Variants in TRAPPC12 observed in about 807,000 individuals in gnomAD.
The protein encoded by TRAPPC12 is TPR repeat protein 15.
In TRAPPC12, 61 loss-of-function variants were observed where a neutral mutation model predicts 69.2. The observed-to-expected ratio is 0.88, with a 90% CI of 0.72 to 1.09. The LOEUF is 1.09. Ranked by LOEUF, TRAPPC12 falls within the 50% of genes least tolerant of loss-of-function variation. The pLI is 0.00. For synonymous variants in TRAPPC12, 469 were observed against 438.9 expected (o/e 1.07, Z -0.86); for missense variants, 1,101 against 1,016.4 (o/e 1.08, Z -1.13).
At position 3,388,424 on chromosome 2, in the gene TRAPPC12, G is replaced by A; in HGVS notation, c.801G>A (p.Gly267=). ...EGRPEPVAMR[G]PQAAAPPASP... The stretch of plus-strand genomic sequence containing the variant: ...GCCCCGAACCCGTGGCCATGCGAGG[G>A]CCCCAGGCAGCTGCGCCCCCGGCGT... Residue 267 remains glycine, a synonymous_variant, in exon 2 of 12, where the codon GGG becomes GGA. Transcript: ENST00000324266. 6.2e-7 allele frequency: 1 copy of A among 1,606,050 alleles called. No homozygotes were observed. Among genetic ancestry groups the A allele is most frequent in the Non-Finnish European group, 8.5e-7 (1 of 1,176,664 alleles).
At chr2:3,413,639 A>T (rs577624915) in intron 3 of TRAPPC12, among the ~76,000 whole-genome samples, 58 of 152,294 alleles carry the variant, frequency 3.8e-4, no homozygotes, top group Non-Finnish European at 7.2e-4. Context: ...ATGTTTTTTT[A>T]AAAAAAGACG....
At chr2:3,429,154 G>A (rs889464250) in intron 5 of TRAPPC12, among the ~76,000 whole-genome samples, 8 of 152,224 alleles carry the variant, frequency 5.3e-5, no homozygotes, top group Non-Finnish European at 1.2e-4. Flanking sequence ...CTGGCTGGGG[G>A]TTGTGAGCAG....
Position 3,388,218 on chromosome 2 carries a change from G to C in TRAPPC12, c.595G>C (p.Val199Leu), listed in dbSNP as rs780286671. 1 of 1,608,824 alleles carries C rather than the reference G, an allele frequency of 6.2e-7. No homozygotes were observed. Among genetic ancestry groups the C allele is most frequent in the Non-Finnish European group, 8.5e-7 (1 of 1,177,788 alleles). The change falls in exon 2 of 12, where the codon GTC becomes CTC. Residue 199 changes from valine (V) to leucine (L), a missense_variant. Val to Leu is a conservative substitution (Grantham distance 32, BLOSUM62 1). Coordinates refer to ENST00000324266, the MANE Select transcript of TRAPPC12 (RefSeq NM_016030.6). The stretch of plus-strand genomic sequence containing the variant: ...GGCCTCGGCCAGGACACCGCCCCAG[G>C]TCGTGCAGCCCAGCCCCAGCCTCAG... ...SEASARTPPQ[V>L]VQPSPSLSTF...
At chr2:3,441,819 T>A (rs1050620373) in intron 5 of TRAPPC12, among the ~76,000 whole-genome samples, 29 of 152,240 alleles carry the variant, frequency 1.9e-4, no homozygotes, top group African/African-American at 6.8e-4. Context: ...AATATATGCA[T>A]TTAATGCTAA....
intron 1 of TRAPPC12, among the ~76,000 whole-genome samples, chr2:3,382,587 A>G (rs984602744): frequency 8.5e-5 from 13 of 152,144 alleles, no homozygotes; most frequent in Admixed American, 5.9e-4. Flanking sequence ...CCACATATTT[A>G]TTGTCTCAAC....
At chr2:3,473,186 G>C (rs13429355) in intron 9 of TRAPPC12, among the ~76,000 whole-genome samples, 7 of 152,108 alleles carry the variant, frequency 4.6e-5, no homozygotes, top group Admixed American at 1.3e-4. Context: ...GAGCAGGTGA[G>C]GGGGGGTCAG....
chr2:3,458,586 ATGTGTGTG>A, intron 7 of TRAPPC12: 2 of 356,152 alleles, frequency 5.6e-6, no homozygotes, highest in South Asian at 1.1e-4. Context: ...TGGTGTGTGC[ATGTGTGTG>A]CACTTGTGCA....
At chr2:3,459,787 C>G (rs1039040771) in intron 7 of TRAPPC12, 2 of 253,320 alleles carry the variant, frequency 7.9e-6, no homozygotes, top group Admixed American at 5.2e-5. Context: ...AGCCCATGGT[C>G]GGGAGGCAGG....
At chr2:3,381,648 T>C (rs1436513681) in intron 1 of TRAPPC12, among the ~76,000 whole-genome samples, 1 of 152,236 alleles carries the variant, frequency 6.6e-6, no homozygotes, top group Admixed American at 6.5e-5. Context: ...TTTCCATTTT[T>C]AATTATGAAC....
Position 3,479,520 on chromosome 2 carries a change from A to C in TRAPPC12, c.*59A>C, listed in dbSNP as rs1055362389. 34 of 1,579,262 alleles carry C rather than the reference A, an allele frequency of 2.2e-5. No homozygotes were observed. Among genetic ancestry groups the C allele is most frequent in the Admixed American group, 1.9e-4 (11 of 57,216 alleles). On this transcript the variant is annotated 3_prime_UTR_variant, in exon 12 of 12. Coordinates refer to ENST00000324266, the MANE Select transcript of TRAPPC12 (RefSeq NM_016030.6). Reference sequence around the variant, plus strand: ...GTCTTTGAAACTGTGTCTTGAAGCTAATGTATTAATGTGACATGGAGGAAC... The same window carrying C: ...GTCTTTGAAACTGTGTCTTGAAGCTCATGTATTAATGTGACATGGAGGAAC...
intron 8 of TRAPPC12, among the ~76,000 whole-genome samples, chr2:3,464,425 T>C (rs1665695553): frequency 2.0e-5 from 3 of 152,226 alleles, no homozygotes; most frequent in Admixed American, 2.0e-4. Context: ...TGTCTTTCTT[T>C]GTAACATCCC....
chr2:3,474,309 G>A (rs987366080), intron 9 of TRAPPC12, among the ~76,000 whole-genome samples: 2 of 152,166 alleles, frequency 1.3e-5, no homozygotes, highest in Admixed American at 6.5e-5. Context: ...CCAGAACCTC[G>A]GCAAGTCTGC....
intron 6 of TRAPPC12, among the ~76,000 whole-genome samples, chr2:3,445,054 G>A (rs916564894): frequency 3.9e-5 from 6 of 152,204 alleles, no homozygotes; most frequent in African/African-American, 7.2e-5. Flanking sequence ...TAAACTATAC[G>A]AATTTTTCAT....
At chr2:3,433,188 G>A (rs777610801) in intron 5 of TRAPPC12, among the ~76,000 whole-genome samples, 3 of 152,152 alleles carry the variant, frequency 2.0e-5, no homozygotes, top group Non-Finnish European at 2.9e-5. Flanking sequence ...CCAAAGGCAT[G>A]GCTTATCCTG....
chr2:3,455,359 G>A (rs1665088021), intron 6 of TRAPPC12: 1 of 152,152 alleles, frequency 6.6e-6, no homozygotes, highest in African/African-American at 2.4e-5. Flanking sequence ...TTGATCCTTT[G>A]TGTTGCAACA....
chr2:3,424,706 C>T (rs372099343), intron 5 of TRAPPC12, 43 bp downstream of exon 5: 24 of 1,526,560 alleles, frequency 1.6e-5, no homozygotes, highest in East Asian at 2.4e-5. Flanking sequence ...GTCTGTGTGT[C>T]GCTCTGGTTT....
At chr2:3,418,333 C>A (rs986946696) in intron 3 of TRAPPC12, among the ~76,000 whole-genome samples, 1 of 142,096 alleles carries the variant, frequency 7.0e-6, no homozygotes, top group Non-Finnish European at 1.5e-5. Flanking sequence ...ATGCCATACA[C>A]ATAAAGTTCT....
At chr2:3,410,414 A>G (rs1175654742) in intron 3 of TRAPPC12, among the ~76,000 whole-genome samples, 2 of 152,208 alleles carry the variant, frequency 1.3e-5, no homozygotes, top group African/African-American at 2.4e-5. Context: ...GTTGTGATCT[A>G]GTGTGAGACA....
Position 3,383,459 on chromosome 2 carries a change from C to T in TRAPPC12, c.-5+3583C>T, listed in dbSNP as rs148988352. Among the ~76,000 whole-genome samples, 71 of 150,710 alleles carry T rather than the reference C, an allele frequency of 4.7e-4. No homozygotes were observed. The East Asian group carries it at 6.2e-3, about 13-fold the overall frequency. ...TGTCACCCAGGCTGGAATGTCGTGC[C>T]TCAATCTTGGCTCACTACAACCTCT... On this transcript the variant is annotated intron_variant, in intron 1 of 11. Coordinates refer to ENST00000324266, the MANE Select transcript of TRAPPC12 (RefSeq NM_016030.6).
Sources: allele counts gnomAD v4.1 joint callset (sites outside exome capture counted in the v4.1 genomes callset), GRCh38; gene constraint gnomAD v4.1.1; transcripts MANE v1.5; gene names NCBI Gene and HGNC (gene_info 2026-07-23, HGNC 2026-07-21).